ZMAT1: variants seen among roughly 807,000 people sequenced by gnomAD.
ZMAT1 encodes zinc finger matrin-type 1.
In ZMAT1, 11 loss-of-function variants were observed where a neutral mutation model predicts 18.5. The observed-to-expected ratio is 0.59, with a 90% CI of 0.37 to 0.98. ZMAT1 has a LOEUF of 0.98. Ranked by LOEUF, ZMAT1 falls within the 50% of genes least tolerant of loss-of-function variation. ZMAT1 has a pLI of 0.01. For synonymous variants in ZMAT1, 211 were observed against 176.4 expected, an observed-to-expected ratio of 1.20 and a Z score of -1.55; for missense variants, 525 against 496.2, an observed-to-expected ratio of 1.06 and a Z score of -0.55.
intron 1 of ZMAT1, among the ~76,000 whole-genome samples, chrX:101,928,973 C>A: frequency 1.8e-5 from 2 of 111,033 alleles, no homozygotes; most frequent in Non-Finnish European, 3.8e-5. Flanking sequence ...TCATAATTCC[C>A]TTTACTGTGA....
Position 101,931,720 on chromosome X carries a change from C to T in ZMAT1, c.289G>A (p.Glu97Lys). The change falls in exon 1 of 6, where the codon GAA (glutamate) becomes AAA (lysine). Residue 97 changes from glutamate (E) to lysine (K), a missense_variant. Transcript: ENST00000651725. ...FKVDTRPCLR[E>K]DAIWNEQEKA... ...GCACCCCGGGACGGGAACTCACCTT[C>T]TCTGAGGCAAGGGCGGGTGTCTACT... 1.3e-6 allele frequency: 1 copy of T among 762,433 alleles called. No individual in the cohort carries two copies. Among genetic ancestry groups the T allele is most frequent in the Non-Finnish European group, 1.6e-6 (1 of 644,542 alleles). 62.8% of individuals were successfully genotyped at this position (762,433 alleles called of 1,213,427 possible).
intron 4 of ZMAT1, among the ~76,000 whole-genome samples, chrX:101,895,095 G>A (rs1415156809): frequency 9.0e-6 from 1 of 110,865 alleles, no homozygotes; most frequent in Non-Finnish European, 1.9e-5. Context: ...GGACCATTAT[G>A]CTTCACTTAT....
At chrX:101,888,517 CCAAT>C (rs1422885002) in intron 4 of ZMAT1, 1 of 111,290 alleles carries the variant, frequency 9.0e-6, no homozygotes, top group Non-Finnish European at 1.9e-5. Context: ...CCATGTCAGA[CCAAT>C]TAAATCAGAA....
chrX:101,915,959 C>T (rs1252291572), intron 1 of ZMAT1, among the ~76,000 whole-genome samples: 1 of 111,935 alleles, frequency 8.9e-6, no homozygotes, highest in African/African-American at 3.2e-5. Context: ...TACTGCAGCA[C>T]TATTTACAAC....
At chrX:101,909,055 G>T (rs1928793389) in intron 1 of ZMAT1, among the ~76,000 whole-genome samples, 2 of 108,975 alleles carry the variant, frequency 1.8e-5, no homozygotes, top group African/African-American at 6.7e-5. Context: ...AGAGGACTTT[G>T]CCTTGCATCT....
At chrX:101,918,695 T>C (rs190596620) in intron 1 of ZMAT1, 2 of 110,941 alleles carry the variant, frequency 1.8e-5, no homozygotes. Context: ...GATTACAATA[T>C]AACTTATTAC....
rs186452377 is a variant in ZMAT1, at chrX:101,921,702, T to C, written c.292+10015A>G. On this transcript the variant is annotated intron_variant, in intron 1 of 5. Transcript: ENST00000651725. ...TGAAAAAATATATTTTAGATGGGAA[T>C]ATATACGGAAGCAAAATTTTGGTGG... is the stretch of plus-strand genomic sequence containing the variant. Among the ~76,000 whole-genome samples the C allele has an allele frequency of 1.6e-4, 18 of 112,007 alleles. No homozygotes were observed. In the East Asian group the frequency reaches 4.8e-3, roughly 30 times the overall value.
chrX:101,930,895 A>G (rs1930435961), intron 1 of ZMAT1, among the ~76,000 whole-genome samples: 1 of 112,387 alleles, frequency 8.9e-6, no homozygotes. Flanking sequence ...CAGTCAAGAA[A>G]TATCTTTTTA....
intron 1 of ZMAT1, among the ~76,000 whole-genome samples, chrX:101,925,661 A>T (rs1042021117): frequency 8.9e-6 from 1 of 112,928 alleles, no homozygotes; most frequent in Non-Finnish European, 1.9e-5. Flanking sequence ...AAAATGTTCA[A>T]CACATGTAGG....
intron 2 of ZMAT1, among the ~76,000 whole-genome samples, chrX:101,900,490 A>G (rs1928145324): frequency 8.9e-6 from 1 of 111,896 alleles, no homozygotes; most frequent in African/African-American, 3.2e-5. Context: ...AAGGTGAGAG[A>G]TGAAGATCCG....
chrX:101,928,995 A>G (rs993431215), intron 1 of ZMAT1, among the ~76,000 whole-genome samples: 1 of 110,998 alleles, frequency 9.0e-6, no homozygotes, highest in African/African-American at 3.3e-5. Context: ...TTCTGAGTGT[A>G]TATGTGTCTT....
At chrX:101,896,846 A>G (rs911840648) in intron 4 of ZMAT1, among the ~76,000 whole-genome samples, 1 of 106,059 alleles carries the variant, frequency 9.4e-6, no homozygotes, top group Admixed American at 1.0e-4. Flanking sequence ...TGGTGACCCA[A>G]CATCACCAGG....
At position 101,912,075 on chromosome X, in the gene ZMAT1, C is replaced by A. The variant is rs1001913246; in HGVS notation, c.293-7745G>T. The A allele has an allele frequency of 5.4e-6, 6 of 1,102,360 alleles. No individual in the cohort carries two copies. In the African/African-American group the frequency reaches 9.1e-5, roughly 17 times the overall value. 90.8% of individuals were successfully genotyped at this position (1,102,360 alleles called of 1,213,427 possible). A position where few individuals can be genotyped will look rare whatever the true frequency, so the allele number is the denominator to read the frequency against. Reference sequence around the variant, plus strand: ...CACCAGAGAATTCACACTGGATAAACCCACTCCACATGTGCTGGGGACATG... The same window carrying A: ...CACCAGAGAATTCACACTGGATAAAACCACTCCACATGTGCTGGGGACATG... On this transcript the variant is annotated intron_variant, in intron 1 of 5. Transcript: ENST00000651725.
chrX:101,901,341 T>C (rs151075901), intron 2 of ZMAT1, among the ~76,000 whole-genome samples: 2,476 of 111,158 alleles, frequency 0.022, 41 homozygotes, highest in Admixed American at 0.063. Context: ...ATTCCAGTAC[T>C]ATGTTGAAGA....
At chrX:101,904,407 A>G in intron 1 of ZMAT1, 77 bp from the exon 2 acceptor site, 1 of 685,914 alleles carries the variant, frequency 1.5e-6, no homozygotes, top group Non-Finnish European at 2.1e-6. Context: ...CCTCAACTAT[A>G]TATGATTTCA....
intron 4 of ZMAT1, 57 bp from the exon 5 acceptor site, chrX:101,886,788 A>C: frequency 1.2e-6 from 1 of 825,058 alleles, no homozygotes; most frequent in Non-Finnish European, 1.6e-6. Context: ...TTAGAATCAC[A>C]TAATGTTAGA....
intron 4 of ZMAT1, among the ~76,000 whole-genome samples, chrX:101,892,469 T>C (rs1207123604): frequency 2.7e-5 from 3 of 111,339 alleles, no homozygotes; most frequent in Middle Eastern, 4.6e-3. Flanking sequence ...GGATAGGATA[T>C]AGATAATTAA....
chrX:101,924,943 C>T (rs751885207), intron 1 of ZMAT1, among the ~76,000 whole-genome samples: 3 of 112,152 alleles, frequency 2.7e-5, no homozygotes, highest in Admixed American at 9.5e-5. Flanking sequence ...GTGAAGCTTG[C>T]TTGGCAATGT....
chrX:101,894,572 T>C (rs1235269400), intron 4 of ZMAT1: 7 of 570,286 alleles, frequency 1.2e-5, no homozygotes, highest in Non-Finnish European at 1.5e-5. Context: ...GTCATAAGCA[T>C]ACAGATGAGA....
Sources: allele counts gnomAD v4.1 joint callset (sites outside exome capture counted in the v4.1 genomes callset), GRCh38; gene constraint gnomAD v4.1.1; transcripts MANE v1.5; gene names NCBI Gene and HGNC (gene_info 2026-07-23, HGNC 2026-07-21).